Variants in DNAAF1 observed in about 807,000 individuals in gnomAD.
DNAAF1 encodes the protein dynein assembly factor 1, axonemal.
DNAAF1 carries 65 observed loss-of-function variants against 71.1 expected under a neutral mutation model. That is an observed-to-expected ratio of 0.91 (90% CI 0.75 to 1.12). DNAAF1 has a LOEUF of 1.12. Ranked by LOEUF, DNAAF1 falls within the 50% of genes most tolerant of loss-of-function variation. The pLI is 0.00. For synonymous variants in DNAAF1, 414 were observed against 354.6 expected, an observed-to-expected ratio of 1.17 and a Z score of -1.88; for missense variants, 1,178 against 899.8, an observed-to-expected ratio of 1.31 and a Z score of -3.96.
intron 1 of DNAAF1, among the ~76,000 whole-genome samples, chr16:84,148,468 T>C (rs1363541093): frequency 1.3e-5 from 2 of 152,072 alleles, no homozygotes; most frequent in Non-Finnish European, 2.9e-5. Flanking sequence ...AATCTCTTTG[T>C]CCATGTTTTC....
At chr16:84,172,095 A>T (rs187072120) in intron 8 of DNAAF1, among the ~76,000 whole-genome samples, 165 bp from the exon 9 acceptor site, 1 of 151,942 alleles carries the variant, frequency 6.6e-6, no homozygotes, top group Non-Finnish European at 1.5e-5. Context: ...GCCAGGCTGG[A>T]CTCAAACTTC....
At position 84,159,706 on chromosome 16, in the gene DNAAF1, T is replaced by C. The variant is rs2087612705; in HGVS notation, c.773T>C (p.Ile258Thr). The change falls in exon 6 of 12, where the codon ATC (isoleucine) becomes ACC (threonine). Residue 258 changes from isoleucine to threonine, a missense_variant. Physicochemically the swap from Ile to Thr is moderately conservative, Grantham distance 89 (BLOSUM62 -1). Transcript: ENST00000378553. ...RVLNLMGNPV[I>T]RQIPNYRRTV... ...CTGAATTTGATGGGAAACCCGGTTA[T>C]CAGACAGATTCCTAATTACAGAAGG... 6.2e-7 allele frequency: 1 copy of C among 1,613,888 alleles called. No individual in the cohort carries two copies. The highest frequency in any genetic ancestry group is 1.1e-5 in the South Asian group (1 of 91,068).
At position 84,160,411 on chromosome 16, in the gene DNAAF1, T is replaced by C. The variant is rs527966872; in HGVS notation, c.863+615T>C. Reference sequence around the variant, plus strand: ...GAACATCGTACCCTGGACTGCCATGTTTATCATCACTGCTTTTATATGTGT... The same window carrying C: ...GAACATCGTACCCTGGACTGCCATGCTTATCATCACTGCTTTTATATGTGT... On this transcript the variant is annotated intron_variant, in intron 6 of 11. Transcript: ENST00000378553. 9.2e-5 allele frequency among the ~76,000 whole-genome samples: 14 copies of C among 152,356 alleles called. No homozygotes were observed. The East Asian group carries it at 2.7e-3, about 29-fold the overall frequency.
At chr16:84,160,978 G>A (rs1251455337) in intron 6 of DNAAF1, among the ~76,000 whole-genome samples, 1 of 151,924 alleles carries the variant, frequency 6.6e-6, no homozygotes, top group African/African-American at 2.4e-5. Flanking sequence ...CTGCTCCTGG[G>A]AGGTTCAACA....
intron 6 of DNAAF1, among the ~76,000 whole-genome samples, chr16:84,160,528 G>A (rs375690878): frequency 6.6e-6 from 1 of 152,078 alleles, no homozygotes; most frequent in South Asian, 2.1e-4. Flanking sequence ...TGTATAATCC[G>A]AATTTTGCAT....
chr16:84,169,712 C>T (rs1307442720), intron 7 of DNAAF1, 147 bp from the exon 8 acceptor site: 22 of 1,149,348 alleles, frequency 1.9e-5, no homozygotes, highest in Admixed American at 5.6e-5. Context: ...CGAGCCACCG[C>T]GCCCAGCCCC....
chr16:84,170,462 T>C (rs1013114160), intron 8 of DNAAF1, 106 bp downstream of exon 8: 2 of 1,543,396 alleles, frequency 1.3e-6, no homozygotes, highest in Non-Finnish European at 8.8e-7. Flanking sequence ...ACTTCTTCTG[T>C]ATTGCTGTTT....
At chr16:84,163,605 T>C (rs7204380) in intron 6 of DNAAF1, among the ~76,000 whole-genome samples, 45,674 of 151,836 alleles carry the variant, frequency 0.3, 7,921 homozygotes, top group Non-Finnish European at 0.39. Flanking sequence ...GGTCTCAATC[T>C]CTTGACCTCA....
At chr16:84,172,109 C>G (rs1238049268) in intron 8 of DNAAF1, 151 bp from the exon 9 acceptor site, 1 of 746,772 alleles carries the variant, frequency 1.3e-6, no homozygotes, top group Non-Finnish European at 2.4e-6. Context: ...AAACTTCTGA[C>G]CTTGTGATCC....
In DNAAF1 at chr16:84,177,805, G is replaced by C; in HGVS notation, c.2142G>C (p.Trp714Cys). The C allele has an allele frequency of 6.2e-7, 1 of 1,613,992 alleles. No individual in the cohort carries two copies. The highest frequency in any genetic ancestry group is 8.5e-7 in the Non-Finnish European group (1 of 1,179,978). ...VAQPSQALPTWDLTAFPAPKA... is the reference protein window; with the variant it reads ...VAQPSQALPTCDLTAFPAPKA... ...AGCCCAGCCAAGCTCTGCCCACGTGGGACCTCACTGCATTCCCAGCACCGA... is the reference window on the plus strand; with the variant it reads ...AGCCCAGCCAAGCTCTGCCCACGTGCGACCTCACTGCATTCCCAGCACCGA... The change falls in exon 12 of 12, where the codon TGG becomes TGC. Residue 714 changes from tryptophan to cysteine, a missense_variant. By Grantham distance (215) the Trp-to-Cys change is radical (BLOSUM62 -2). Transcript: ENST00000378553.
chr16:84,175,369 C>A, intron 10 of DNAAF1: 1 of 179,600 alleles, frequency 5.6e-6, no homozygotes, highest in Non-Finnish European at 1.2e-5. Flanking sequence ...GAAATGAAAA[C>A]AGGAGAGGGG....
At chr16:84,147,992 C>T (rs1317876099) in intron 1 of DNAAF1, among the ~76,000 whole-genome samples, 7 of 151,860 alleles carry the variant, frequency 4.6e-5, no homozygotes, top group South Asian at 2.1e-4. Context: ...CGCTTGAACC[C>T]GGGAGGCGGA....
At chr16:84,175,081 C>G (rs548066021) in intron 10 of DNAAF1, 2 of 312,404 alleles carry the variant, frequency 6.4e-6, no homozygotes, top group South Asian at 2.8e-5. Context: ...GTCTCGAACT[C>G]CTGACCTCAA....
In DNAAF1 at chr16:84,155,672, C is replaced by G. The variant is rs766503794; in HGVS notation, c.664C>G (p.Leu222Val). Residue 222 changes from leucine to valine, a missense_variant, in exon 5 of 12, where the codon CTT becomes GTT. Physicochemically the swap from Leu to Val is conservative, Grantham distance 32 (BLOSUM62 1). Transcript: ENST00000378553. ...TCAGCATCTACAAGAGTGTTTGAGGCTTTGTGTCCTTGACCTTTCGCACAA... is the reference window on the plus strand; with the variant it reads ...TCAGCATCTACAAGAGTGTTTGAGGGTTTGTGTCCTTGACCTTTCGCACAA... ...DIQHLQECLR[L>V]CVLDLSHNKL... The G allele has an allele frequency of 1.3e-5, 21 of 1,614,080 alleles. No individual in the cohort carries two copies. Among genetic ancestry groups the G allele is most frequent in the Non-Finnish European group, 1.7e-5 (20 of 1,180,044 alleles).
chr16:84,154,502 GC>G, intron 3 of DNAAF1, 74 bp from the exon 4 acceptor site: 1 of 1,323,662 alleles, frequency 7.6e-7, no homozygotes, highest in Non-Finnish European at 1.1e-6. Context: ...CTAATAGTAG[GC>G]AAAAACAAGG....
Position 84,175,623 on chromosome 16 carries a change from C to T in DNAAF1, c.1699-310C>T, listed in dbSNP as rs186235093. 1.1e-3 allele frequency: 438 copies of T among 398,400 alleles called. 7 individuals carry two copies. Among genetic ancestry groups the T allele is most frequent in the South Asian group, 7.2e-3 (298 of 41,648 alleles). 24.7% of individuals were successfully genotyped at this position (398,400 alleles called of 1,614,324 possible). The stretch of plus-strand genomic sequence containing the variant: ...AGTCCCAGAGAGTCTGTGAAGGAAA[C>T]GGGGTTCAGGGGCATGCCAAGCAGA... On this transcript the variant is annotated intron_variant, in intron 10 of 11. Coordinates refer to ENST00000378553, the MANE Select transcript of DNAAF1 (RefSeq NM_178452.6).
At chr16:84,172,212 TG>T in intron 8 of DNAAF1, 47 bp from the exon 9 acceptor site, 10 of 1,574,532 alleles carry the variant, frequency 6.4e-6, no homozygotes, top group Non-Finnish European at 8.7e-6. Flanking sequence ...CTCGTCCATC[TG>T]CCTGCCGTGT....
At chr16:84,167,300 C>T (rs953030878) in intron 7 of DNAAF1, among the ~76,000 whole-genome samples, 1 of 152,150 alleles carries the variant, frequency 6.6e-6, no homozygotes, top group Non-Finnish European at 1.5e-5. Flanking sequence ...GGCCACACCC[C>T]GCTCCAGGTA....
At chr16:84,176,442 G>T in intron 11 of DNAAF1, 143 bp downstream of exon 11, 10 of 1,290,534 alleles carry the variant, frequency 7.7e-6, no homozygotes, top group Non-Finnish European at 1.1e-5. Flanking sequence ...CAGATCCTCT[G>T]AAGGTCCCAT....
Sources: allele counts gnomAD v4.1 joint callset (sites outside exome capture counted in the v4.1 genomes callset), GRCh38; gene constraint gnomAD v4.1.1; transcripts MANE v1.5; gene names NCBI Gene and HGNC (gene_info 2026-07-23, HGNC 2026-07-21).